The following WLS variants were observed in gnomAD, a reference collection of about 807,000 sequenced individuals.
WLS encodes the protein Wnt ligand secretion mediator.
A neutral mutation model predicts 62.8 loss-of-function variants in WLS; 23 were observed. The observed-to-expected ratio is 0.37, with a 90% confidence interval of 0.26 to 0.52. The LOEUF (loss-of-function observed/expected upper bound fraction) is 0.52, where lower values mean the gene tolerates loss of function less well. Ranked by LOEUF, WLS falls within the 20% of genes least tolerant of loss-of-function variation. The pLI is 0.92. For missense variants in WLS, 615 were observed against 697.3 expected, an observed-to-expected ratio of 0.88 and a Z score of 1.33; for synonymous variants, 246 against 244.1, an observed-to-expected ratio of 1.01 and a Z score of -0.07.
chr1:68,131,349 A>T (rs1218158249), intron 11 of WLS, among the ~76,000 whole-genome samples: 1 of 152,158 alleles, frequency 6.6e-6, no homozygotes, highest in African/African-American at 2.4e-5. Context: ...CTAGCCTAGC[A>T]TATCGGCACT....
chr1:68,155,951 T>C (rs1471646835), intron 3 of WLS, among the ~76,000 whole-genome samples: 1 of 152,328 alleles, frequency 6.6e-6, no homozygotes, highest in East Asian at 1.9e-4. Flanking sequence ...ATAGAAGTTT[T>C]AATGAAATAA....
chr1:68,211,591 C>T (rs1305549933), intron 1 of WLS, among the ~76,000 whole-genome samples: 1 of 152,184 alleles, frequency 6.6e-6, no homozygotes, highest in Non-Finnish European at 1.5e-5. Context: ...TGCCCAAGGT[C>T]GTTCAGTAAA....
chr1:68,104,325 T>C (rs1479394699), intron 11 of WLS, among the ~76,000 whole-genome samples: 1 of 152,178 alleles, frequency 6.6e-6, no homozygotes, highest in East Asian at 1.9e-4. Flanking sequence ...TATTCTAGAC[T>C]TAGCTAGTTA....
intron 2 of WLS, among the ~76,000 whole-genome samples, chr1:68,173,730 C>T (rs1647189032): frequency 6.6e-6 from 1 of 152,134 alleles, no homozygotes; most frequent in African/African-American, 2.4e-5. Context: ...ACCCAGAGTC[C>T]TTCAGACAAG....
chr1:68,170,039 G>A (rs898698701), intron 2 of WLS, among the ~76,000 whole-genome samples: 7 of 152,146 alleles, frequency 4.6e-5, no homozygotes, highest in African/African-American at 1.7e-4. Flanking sequence ...GTAAGATGAG[G>A]ATAATGGTAA....
chr1:68,131,812 C>A (rs1646530271), intron 11 of WLS, among the ~76,000 whole-genome samples: 1 of 151,878 alleles, frequency 6.6e-6, no homozygotes, highest in Non-Finnish European at 1.5e-5. Flanking sequence ...GGGGATGGGC[C>A]CTACTCCAAC....
chr1:68,207,856 C>A lies in WLS; in HGVS notation c.107-13629G>T, dbSNP rs530810817. On this transcript the variant is annotated intron_variant, in intron 1 of 11. Transcript: ENST00000262348. Reference sequence around the variant, plus strand: ...TTACAGTACCATGAAAATAGTGAAGCCTTAATGAATGTTAGCTGATAATAA... The same window carrying A: ...TTACAGTACCATGAAAATAGTGAAGACTTAATGAATGTTAGCTGATAATAA... 4.6e-5 allele frequency among the ~76,000 whole-genome samples: 7 copies of A among 152,248 alleles called. No individual in the cohort carries two copies. The South Asian group carries it at 8.3e-4, about 18-fold the overall frequency.
chr1:68,146,080 T>TCC lies in WLS; in HGVS notation c.1135-70_1135-69dup. ...AAGTTGAGCCGGGTCCAGGCCCTTCTCCCCAGGTCTGTTGGCAATACTTGT... is the reference window on the plus strand; with the variant it reads ...AAGTTGAGCCGGGTCCAGGCCCTTCTCCCCCCAGGTCTGTTGGCAATACTTGT... On this transcript the variant is annotated intron_variant, in intron 8 of 11. Coordinates refer to ENST00000262348, the MANE Select transcript of WLS (RefSeq NM_024911.7). 1.9e-6 allele frequency: 3 copies of TCC among 1,554,474 alleles called. No individual in the cohort carries two copies. The African/African-American group carries it at 4.1e-5, about 21-fold the overall frequency.
chr1:68,159,342 A>T (rs2100497976), intron 2 of WLS, 95 bp from the exon 3 acceptor site: 2 of 1,434,726 alleles, frequency 1.4e-6, no homozygotes, highest in Non-Finnish European at 1.9e-6. Flanking sequence ...CTTGGAAACC[A>T]ACGAGACAAA....
intron 1 of WLS, among the ~76,000 whole-genome samples, chr1:68,206,693 A>G (rs958028937): frequency 2.6e-5 from 4 of 152,226 alleles, no homozygotes; most frequent in Non-Finnish European, 5.9e-5. Flanking sequence ...GCTGGGTTCT[A>G]GCAATGGATA....
At position 68,116,227 on chromosome 1, in the gene WLS, C is replaced by T. The variant is rs144676647; in HGVS notation, c.1511-17474G>A. 5.0e-3 allele frequency among the ~76,000 whole-genome samples: 755 copies of T among 152,268 alleles called. 12 individuals carry two copies. Among genetic ancestry groups the T allele is most frequent in the African/African-American group, 0.018 (729 of 41,554 alleles). ...TCCTTGACCCTCCTGTACCCAGGGC[C>T]AGCATCAGGGAGGGAGGAAGAGGAC... On this transcript the variant is annotated intron_variant, in intron 11 of 11. Coordinates refer to the WLS transcript ENST00000354777.
chr1:68,178,079 T>C (rs1228163533), intron 2 of WLS, among the ~76,000 whole-genome samples: 1 of 152,220 alleles, frequency 6.6e-6, no homozygotes, highest in Admixed American at 6.5e-5. Context: ...CTCCAAGCTC[T>C]TTCACTTTCC....
intron 1 of WLS, among the ~76,000 whole-genome samples, chr1:68,207,246 C>T (rs771997778): frequency 6.6e-5 from 10 of 152,250 alleles, no homozygotes; most frequent in Non-Finnish European, 1.3e-4. Flanking sequence ...TTCCAGCTTC[C>T]AGCCAGTGGT....
intron 1 of WLS, among the ~76,000 whole-genome samples, chr1:68,215,764 T>C (rs984783434): frequency 6.6e-6 from 1 of 152,232 alleles, no homozygotes; most frequent in East Asian, 1.9e-4. Flanking sequence ...TTTCAATGCA[T>C]GTTTATTAGC....
At chr1:68,183,902 T>C (rs1023244315) in intron 2 of WLS, among the ~76,000 whole-genome samples, 1 of 152,030 alleles carries the variant, frequency 6.6e-6, no homozygotes, top group Non-Finnish European at 1.5e-5. Context: ...TTGCCACTTA[T>C]AGAAAGAATT....
intron 11 of WLS, among the ~76,000 whole-genome samples, chr1:68,106,328 G>A (rs569283829): frequency 6.6e-6 from 1 of 152,276 alleles, no homozygotes; most frequent in Admixed American, 6.5e-5. Flanking sequence ...TGGGCAGAGG[G>A]TACTTCGAGG....
Position 68,232,405 on chromosome 1 carries a change from G to C in WLS, c.-106C>G. On this transcript the variant is annotated 5_prime_UTR_variant, in exon 1 of 12. Coordinates refer to ENST00000262348, the MANE Select transcript of WLS (RefSeq NM_024911.7). The stretch of plus-strand genomic sequence containing the variant: ...CTCCTTCCTCGCCTCCTTTCTGGGC[G>C]CTGCAAAACTTCAGAGGTGCTGGAG... The C allele has an allele frequency of 6.8e-7, 1 of 1,470,140 alleles. No individual in the cohort carries two copies. The highest frequency in any genetic ancestry group is 1.4e-5 in the South Asian group (1 of 69,332). The allele number at this position is 1,470,140 out of a possible 1,614,324, so 91.1% of individuals were successfully genotyped here. A position where few individuals can be genotyped will look rare whatever the true frequency, so the allele number is the denominator to read the frequency against.
chr1:68,221,316 C>T (rs1249260656), intron 1 of WLS, among the ~76,000 whole-genome samples: 1 of 152,186 alleles, frequency 6.6e-6, no homozygotes, highest in Non-Finnish European at 1.5e-5. Flanking sequence ...ACCCCACCCA[C>T]ATCCTCATAT....
chr1:68,144,739 A>G, intron 9 of WLS, 87 bp from the exon 10 acceptor site: 1 of 1,106,800 alleles, frequency 9.0e-7, no homozygotes, highest in Non-Finnish European at 1.3e-6. Flanking sequence ...TTAATTTTAA[A>G]GAAATCTGTA....
Sources: gnomAD v4.1 joint callset for allele counts (sites outside exome capture counted in the v4.1 genomes callset) on GRCh38, gnomAD v4.1.1 for gene constraint, MANE v1.5 for transcripts, NCBI Gene and HGNC (gene_info 2026-07-23, HGNC 2026-07-21) for gene names.